Variants in BPNT2 observed in about 807,000 individuals in gnomAD.
BPNT2 encodes the protein Golgi-resident adenosine 3',5'-bisphosphate 3'-phosphatase.
In BPNT2, 11 loss-of-function variants were observed where a neutral mutation model predicts 29.3. The ratio of observed to expected loss-of-function variants is 0.38; its 90% CI spans 0.24 to 0.62. The LOEUF (loss-of-function observed/expected upper bound fraction) is 0.62, where lower values mean the gene tolerates loss of function less well. BPNT2 is among the 20% of genes least tolerant of loss of function. The pLI, the probability that BPNT2 is intolerant of heterozygous loss-of-function variation, is 0.62. For missense variants in BPNT2, 459 were observed against 473.4 expected (o/e 0.97, Z 0.28); for synonymous variants, 195 against 187.7 (o/e 1.04, Z -0.32).
chr8:56,963,932 T>A lies in BPNT2; in HGVS notation c.941A>T (p.His314Leu). 6.2e-7 allele frequency: 1 copy of A among 1,614,154 alleles called. No homozygotes were observed. The highest frequency in any genetic ancestry group is 8.5e-7 in the Non-Finnish European group (1 of 1,180,014). The change falls in exon 5 of 5, where the codon CAT becomes CTT. Residue 314 changes from histidine (H) to leucine (L), a missense_variant. By Grantham distance (99) the His-to-Leu change is moderately conservative. Coordinates refer to ENST00000262644, the MANE Select transcript of BPNT2 (RefSeq NM_017813.5). ...GNAILKALGGHMTTLSGEEIS... is the reference protein window; with the variant it reads ...GNAILKALGGLMTTLSGEEIS... ...TTCTTCACCACTCAGGGTAGTCATA[T>A]GCCCCCCTAGGGCTTTTAAGATGGC...
At position 56,963,725 on chromosome 8, in the gene BPNT2, T is replaced by C. The variant is rs992299291; in HGVS notation, c.*68A>G. The stretch of plus-strand genomic sequence containing the variant: ...ACCATGCATAGTCTCCACCAATCCT[T>C]TGAAGCTTCCAGCATCTCAGGCTAA... On this transcript the variant is annotated 3_prime_UTR_variant, in exon 5 of 5. Transcript: ENST00000262644. 43 of 1,576,796 alleles carry C rather than the reference T, an allele frequency of 2.7e-5. No homozygotes were observed. The highest frequency in any genetic ancestry group is 3.7e-5 in the Non-Finnish European group (42 of 1,148,160).
intron 3 of BPNT2, among the ~76,000 whole-genome samples, chr8:56,971,931 T>C (rs986666556): frequency 1.3e-5 from 2 of 151,610 alleles, no homozygotes; most frequent in African/African-American, 4.8e-5. Flanking sequence ...CCGTCTCTAC[T>C]AAAAATACAA....
At chr8:56,989,843 C>T (rs1463077716) in intron 1 of BPNT2, among the ~76,000 whole-genome samples, 1 of 152,176 alleles carries the variant, frequency 6.6e-6, no homozygotes, top group South Asian at 2.1e-4. Context: ...CTCCCAAGTG[C>T]ATTTTACTCA....
intron 1 of BPNT2, among the ~76,000 whole-genome samples, chr8:56,986,988 TATACATATA>T (rs1806336564): frequency 6.6e-6 from 1 of 152,188 alleles, no homozygotes; most frequent in South Asian, 2.1e-4. Context: ...CACATATACA[TATACATATA>T]ATACATATAC....
rs1359155747 is a variant in BPNT2, at chr8:56,962,567, T to C, written c.*1226A>G. The C allele has an allele frequency of 6.6e-6, 1 of 152,180 alleles. No homozygotes were observed. Among genetic ancestry groups the C allele is most frequent in the Non-Finnish European group, 1.5e-5 (1 of 68,024 alleles). The allele number at this position is 152,180 out of a possible 1,614,324, so 9.4% of individuals were successfully genotyped here. A position where few individuals can be genotyped will look rare whatever the true frequency, so the allele number is the denominator to read the frequency against. On this transcript the variant is annotated 3_prime_UTR_variant, in exon 5 of 5. Transcript: ENST00000262644. ...AAAGACAGTTCACAAAGCAAGGTTC[T>C]AGTTACGGTAACACAATGAATATGT...
intron 3 of BPNT2, among the ~76,000 whole-genome samples, chr8:56,969,897 T>G (rs57043459): frequency 0.067 from 10,137 of 152,240 alleles, 934 homozygotes; most frequent in African/African-American, 0.21. Context: ...GGTTCTATAC[T>G]CTAACTCCTT....
At position 56,966,371 on chromosome 8, in the gene BPNT2, A is replaced by G; in HGVS notation, c.647-19T>C. On this transcript the variant is annotated intron_variant, in intron 3 of 4. Transcript: ENST00000262644. Reference sequence around the variant, plus strand: ...GCCCAAGCTGAAAAGCAAATATAATATCCATTAATGGCACTGAAGCTTTAA... The same window carrying G: ...GCCCAAGCTGAAAAGCAAATATAATGTCCATTAATGGCACTGAAGCTTTAA... The G allele has an allele frequency of 3.1e-6, 5 of 1,608,602 alleles. No homozygotes were observed. Among genetic ancestry groups the G allele is most frequent in the Non-Finnish European group, 4.3e-6 (5 of 1,175,108 alleles).
intron 3 of BPNT2, among the ~76,000 whole-genome samples, chr8:56,970,252 T>C (rs144809177): frequency 6.6e-6 from 1 of 152,310 alleles, no homozygotes; most frequent in East Asian, 1.9e-4. Flanking sequence ...GAGACAAGTA[T>C]TGTGTAATAT....
intron 3 of BPNT2, among the ~76,000 whole-genome samples, chr8:56,969,953 C>T (rs1284183768): frequency 2.0e-5 from 3 of 152,074 alleles, no homozygotes; most frequent in African/African-American, 4.8e-5. Context: ...ACATTTATCC[C>T]GCTTTTCTAG....
chr8:56,991,155 A>G (rs1301487199), intron 1 of BPNT2, among the ~76,000 whole-genome samples: 2 of 152,222 alleles, frequency 1.3e-5, no homozygotes, highest in East Asian at 3.9e-4. Context: ...CCTATAACAC[A>G]GGGGTATAAG....
At chr8:56,984,205 TTATAGAACAG>T (rs1806291591) in intron 1 of BPNT2, among the ~76,000 whole-genome samples, 1 of 152,166 alleles carries the variant, frequency 6.6e-6, no homozygotes, top group South Asian at 2.1e-4. Context: ...AGCGAACACA[TTATAGAACAG>T]TATTTGAAAA....
At chr8:56,979,987 C>CAG in intron 2 of BPNT2, 48 bp downstream of exon 2, 1 of 1,580,754 alleles carries the variant, frequency 6.3e-7, no homozygotes, top group Non-Finnish European at 8.7e-7. Context: ...TTCTGGTTCT[C>CAG]TACTACTAAA....
At position 56,972,069 on chromosome 8, in the gene BPNT2, G is replaced by A. The variant is rs371345600; in HGVS notation, c.647-5717C>T. On this transcript the variant is annotated intron_variant, in intron 3 of 4. Coordinates refer to ENST00000262644, the MANE Select transcript of BPNT2 (RefSeq NM_017813.5). ...GAGATCACGCCACTGCACTCCAGCC[G>A]AGCGAGACTCCGTCTCAAAAAAAAG... 2.2e-4 allele frequency among the ~76,000 whole-genome samples: 34 copies of A among 151,244 alleles called. 1 individual carries two copies. In the South Asian group the frequency reaches 6.1e-3, roughly 27 times the overall value.
intron 1 of BPNT2, among the ~76,000 whole-genome samples, chr8:56,982,892 T>C (rs1160323205): frequency 2.0e-5 from 3 of 152,178 alleles, no homozygotes; most frequent in Admixed American, 6.5e-5. Context: ...ATCCATACAA[T>C]GGAAAGTTAC....
At chr8:56,969,463 A>G (rs1805998662) in intron 3 of BPNT2, among the ~76,000 whole-genome samples, 2 of 152,218 alleles carry the variant, frequency 1.3e-5, no homozygotes, top group South Asian at 4.1e-4. Flanking sequence ...AGGGGAAACC[A>G]AAGATGGGAA....
intron 3 of BPNT2, among the ~76,000 whole-genome samples, chr8:56,974,120 T>C (rs1034167500): frequency 6.6e-6 from 1 of 152,204 alleles, no homozygotes; most frequent in Non-Finnish European, 1.5e-5. Flanking sequence ...AACATTTTCT[T>C]TCCTCTAGCT....
intron 3 of BPNT2, among the ~76,000 whole-genome samples, chr8:56,971,805 G>C (rs1195288022): frequency 8.7e-6 from 1 of 115,274 alleles, no homozygotes; most frequent in South Asian, 3.3e-4. Context: ...CAATGCTACT[G>C]TGTGGGCCCA....
intron 1 of BPNT2, among the ~76,000 whole-genome samples, chr8:56,992,032 C>CTT (rs1806424193): frequency 6.6e-6 from 1 of 151,958 alleles, no homozygotes; most frequent in South Asian, 2.1e-4. Flanking sequence ...TACAATGTTC[C>CTT]TTTCCACTGG....
intron 4 of BPNT2, 110 bp downstream of exon 4, chr8:56,966,080 AC>A (rs755404490): frequency 8.5e-7 from 1 of 1,177,158 alleles, no homozygotes; most frequent in Non-Finnish European, 1.3e-6. Context: ...TTGAAAGTAC[AC>A]CACTCCTCCT....
Sources: gnomAD v4.1 joint callset for allele counts (sites outside exome capture counted in the v4.1 genomes callset) on GRCh38, gnomAD v4.1.1 for gene constraint, MANE v1.5 for transcripts, NCBI Gene and HGNC (gene_info 2026-07-23, HGNC 2026-07-21) for gene names.